NFIA: variants seen among roughly 807,000 people sequenced by gnomAD.
NFIA encodes nuclear factor I A, also known as nuclear factor 1 A-type.
Under a neutral mutation model 62.8 loss-of-function variants are expected in NFIA, and 8 were observed. The observed-to-expected ratio is 0.13, with a 90% CI of 0.07 to 0.23. NFIA has a LOEUF of 0.23. NFIA is among the 10% of genes least tolerant of loss of function. The probability of loss-of-function intolerance (pLI) is 1.00; values close to 1 mark genes in which losing one functional copy is unlikely to be tolerated. For missense variants in NFIA, 410 were observed against 642.1 expected (o/e 0.64, Z 3.91); for synonymous variants, 235 against 238.1 (o/e 0.99, Z 0.12).
At chr1:61,426,613 A>G (rs1666882610) in intron 10 of NFIA, 57 bp downstream of exon 10, 1 of 1,281,768 alleles carries the variant, frequency 7.8e-7, no homozygotes, top group Non-Finnish European at 1.0e-6. Context: ...CATCAGGTGC[A>G]TTTTAACTTG....
At chr1:61,093,614 A>G (rs187092711) in intron 2 of NFIA, among the ~76,000 whole-genome samples, 1 of 152,348 alleles carries the variant, frequency 6.6e-6, no homozygotes, top group East Asian at 1.9e-4. Context: ...ACTTGAGGAT[A>G]GTAACAATAT....
At chr1:61,184,227 G>C (rs999159423) in intron 2 of NFIA, among the ~76,000 whole-genome samples, 1 of 152,030 alleles carries the variant, frequency 6.6e-6, no homozygotes, top group East Asian at 1.9e-4. Context: ...CCTGGTGTGG[G>C]TTCAGGCCGC....
At chr1:61,276,740 T>G (rs898972577) in intron 2 of NFIA, among the ~76,000 whole-genome samples, 5 of 152,148 alleles carry the variant, frequency 3.3e-5, no homozygotes, top group African/African-American at 4.8e-5. Flanking sequence ...TTAAGTTACT[T>G]TGATTTTCCC....
At chr1:61,091,530 G>C (rs200103327) in intron 2 of NFIA, among the ~76,000 whole-genome samples, 2 of 152,120 alleles carry the variant, frequency 1.3e-5, no homozygotes, top group East Asian at 3.8e-4. Flanking sequence ...ATTTCATCTT[G>C]TTAAAAGAAC....
intron 2 of NFIA, among the ~76,000 whole-genome samples, chr1:61,230,145 C>T (rs1654582474): frequency 6.6e-6 from 1 of 152,152 alleles, no homozygotes; most frequent in Middle Eastern, 3.4e-3. Context: ...GAAAATTTAG[C>T]AGAAGATCTA....
At chr1:61,086,418 A>G (rs1646219741) in intron 1 of NFIA, among the ~76,000 whole-genome samples, 1 of 152,174 alleles carries the variant, frequency 6.6e-6, no homozygotes, top group Non-Finnish European at 1.5e-5. Flanking sequence ...CTCAAACATC[A>G]GAAATTTTAA....
chr1:61,112,411 A>ATG (rs1557573687), intron 2 of NFIA, among the ~76,000 whole-genome samples: 1 of 152,074 alleles, frequency 6.6e-6, no homozygotes, highest in Non-Finnish European at 1.5e-5. Context: ...ATGAAGGTGT[A>ATG]TGTGTGTGTA....
At chr1:61,077,339 C>G (rs1314905155), upstream of NFIA, 1 of 341,704 alleles carries the variant, frequency 2.9e-6, no homozygotes, top group Non-Finnish European at 5.2e-6. Context: ...CGGGTTGGAT[C>G]GCTTTCAAAA....
At chr1:61,132,087 A>G (rs1158672464) in intron 2 of NFIA, among the ~76,000 whole-genome samples, 2 of 152,214 alleles carry the variant, frequency 1.3e-5, no homozygotes, top group Non-Finnish European at 2.9e-5. Context: ...AGGTAAGCCA[A>G]TTGGTAGAAA....
At chr1:61,171,386 C>A (rs1388935459) in intron 2 of NFIA, among the ~76,000 whole-genome samples, 1 of 152,072 alleles carries the variant, frequency 6.6e-6, no homozygotes, top group East Asian at 1.9e-4. Flanking sequence ...TGCCATTATT[C>A]ATTGTATTTT....
At chr1:61,097,502 A>G (rs1171860492) in intron 2 of NFIA, among the ~76,000 whole-genome samples, 1 of 152,188 alleles carries the variant, frequency 6.6e-6, no homozygotes, top group Non-Finnish European at 1.5e-5. Flanking sequence ...GTGATTGGGT[A>G]GTACATTGCA....
At chr1:61,134,563 T>TA (rs1479788367) in intron 2 of NFIA, among the ~76,000 whole-genome samples, 2 of 152,222 alleles carry the variant, frequency 1.3e-5, no homozygotes, top group East Asian at 1.9e-4. Context: ...ACATATGACT[T>TA]AGAGTCTTTT....
chr1:61,406,559 C>CA lies in NFIA; in HGVS notation c.1255-2dup, dbSNP rs1665842792. On this transcript the variant is annotated splice_polypyrimidine_tract_variant and splice_region_variant and intron_variant, in intron 8 of 10. Coordinates refer to ENST00000403491, the MANE Select transcript of NFIA (RefSeq NM_001134673.4). ...GTGTTTTCTGCCCCCCCCCCCCCCA[C>CA]AGCCCAATGGGAGCAGCCAAGGCAA... 4 of 1,346,878 alleles carry CA rather than the reference C, an allele frequency of 3.0e-6. No individual in the cohort carries two copies. In the South Asian group the frequency reaches 5.2e-5, roughly 17 times the overall value. 83.4% of individuals were successfully genotyped at this position (1,346,878 alleles called of 1,614,324 possible). A position where few individuals can be genotyped will look rare whatever the true frequency, so the allele number is the denominator to read the frequency against.
At chr1:61,342,141 A>C (rs992201775) in intron 4 of NFIA, among the ~76,000 whole-genome samples, 13 of 152,250 alleles carry the variant, frequency 8.5e-5, no homozygotes, top group African/African-American at 2.9e-4. Flanking sequence ...AGGATTTTTC[A>C]CTAGGTGGAG....
At chr1:61,214,542 G>A (rs1653485439) in intron 2 of NFIA, among the ~76,000 whole-genome samples, 1 of 152,108 alleles carries the variant, frequency 6.6e-6, no homozygotes, top group South Asian at 2.1e-4. Flanking sequence ...AGAAAGAATG[G>A]CTATTATTAT....
chr1:61,287,353 A>G lies in NFIA; in HGVS notation c.625+9768A>G, dbSNP rs1247336033. 2.6e-5 allele frequency among the ~76,000 whole-genome samples: 4 copies of G among 152,206 alleles called. 1 individual carries two copies. Among genetic ancestry groups the G allele is most frequent in the South Asian group, 2.1e-4 (1 of 4,828 alleles). ...AAAGCCAAGTTACTTGCATGGAATA[A>G]TATTTGGTTTCACATACCCAATTGT... On this transcript the variant is annotated intron_variant, in intron 3 of 10. Coordinates refer to ENST00000403491, the MANE Select transcript of NFIA (RefSeq NM_001134673.4).
chr1:61,283,755 T>C (rs1462853124), intron 3 of NFIA, among the ~76,000 whole-genome samples: 2 of 152,080 alleles, frequency 1.3e-5, no homozygotes, highest in Admixed American at 6.6e-5. Flanking sequence ...TTAAATTGTT[T>C]TTACTACCTC....
rs1286216672 is a variant in NFIA, at chr1:61,088,403, A to G, written c.282A>G (p.Thr94=). The G allele has an allele frequency of 1.9e-6, 3 of 1,613,850 alleles. No individual in the cohort carries two copies. Among genetic ancestry groups the G allele is most frequent in the Middle Eastern group, 1.6e-4 (1 of 6,084 alleles). Reference sequence around the variant, plus strand: ...AATATCGAGAGGATTTTGTTCTTACAGTTACAGGGAAAAAACCTCCATGTT... The same window carrying G: ...AATATCGAGAGGATTTTGTTCTTACGGTTACAGGGAAAAAACCTCCATGTT... ...RPEYREDFVL[T]VTGKKPPCCV... is the part of the protein sequence containing the mutation. The change falls in exon 2 of 11, where the codon ACA becomes ACG. Residue 94 remains threonine (T), a synonymous_variant. Transcript: ENST00000403491. The surrounding 1 kb of genome is among the most constrained non-coding windows in gnomAD (Gnocchi z 4.5).
Position 61,460,730 on chromosome 1 carries a change from T to C in NFIA, c.*5410T>C, listed in dbSNP as rs920353928. 1 of 152,242 alleles carries C rather than the reference T, an allele frequency of 6.6e-6. No individual in the cohort carries two copies. Among genetic ancestry groups the C allele is most frequent in the African/African-American group, 2.4e-5 (1 of 41,468 alleles). The allele number at this position is 152,242 out of a possible 1,614,324, so 9.4% of individuals were successfully genotyped here. A position where few individuals can be genotyped will look rare whatever the true frequency, so the allele number is the denominator to read the frequency against. On this transcript the variant is annotated 3_prime_UTR_variant, in exon 11 of 11. Transcript: ENST00000403491. Reference sequence around the variant, plus strand: ...TTGCTCTTCTGAAGTAAGATTTTTCTACACCGGTAGCCTTCGCTGTCTGTC... The same window carrying C: ...TTGCTCTTCTGAAGTAAGATTTTTCCACACCGGTAGCCTTCGCTGTCTGTC...
Sources: allele counts gnomAD v4.1 joint callset (sites outside exome capture counted in the v4.1 genomes callset), GRCh38; gene constraint gnomAD v4.1.1; non-coding constraint Gnocchi (gnomAD v3.1); transcripts MANE v1.5; gene names NCBI Gene and HGNC (gene_info 2026-07-23, HGNC 2026-07-21).